Variants in ZDHHC2 observed in about 807,000 individuals in gnomAD.
The protein encoded by ZDHHC2 is palmitoyltransferase ZDHHC2.
In ZDHHC2, 51 loss-of-function variants were observed where a neutral mutation model predicts 55.6. That is an observed-to-expected ratio of 0.92 (90% CI 0.73 to 1.16). The LOEUF (loss-of-function observed/expected upper bound fraction) is 1.16, where lower values mean the gene tolerates loss of function less well. ZDHHC2 is among the 50% of genes most tolerant of loss of function. The pLI, the probability that ZDHHC2 is intolerant of heterozygous loss-of-function variation, is 0.00. For synonymous variants in ZDHHC2, 199 were observed against 152.9 expected (o/e 1.30, Z -2.22); for missense variants, 491 against 442.4 (o/e 1.11, Z -0.99).
At chr8:17,183,394 G>A (rs1009662504) in intron 1 of ZDHHC2, among the ~76,000 whole-genome samples, 1 of 152,188 alleles carries the variant, frequency 6.6e-6, no homozygotes, top group East Asian at 1.9e-4. Context: ...AGCCTCTCCT[G>A]TGCCCTCAGA....
intron 3 of ZDHHC2, among the ~76,000 whole-genome samples, chr8:17,192,722 C>T (rs913848313): frequency 2.6e-5 from 4 of 152,072 alleles, no homozygotes; most frequent in African/African-American, 9.7e-5. Context: ...GGAGAGTTTC[C>T]CCAACGTTTT....
intron 6 of ZDHHC2, 65 bp downstream of exon 6, chr8:17,198,478 A>T (rs942843298): frequency 1.4e-6 from 2 of 1,434,896 alleles, no homozygotes; most frequent in East Asian, 2.4e-5. Flanking sequence ...TAAATCACTT[A>T]TCCATGTAAA....
intron 5 of ZDHHC2, 136 bp downstream of exon 5, chr8:17,197,787 G>C (rs1934278607): frequency 2.5e-5 from 24 of 960,258 alleles, no homozygotes; most frequent in Non-Finnish European, 3.7e-5. Flanking sequence ...AATGGAGTTG[G>C]TATAACCCGC....
At chr8:17,178,187 G>C (rs192965438) in intron 1 of ZDHHC2, among the ~76,000 whole-genome samples, 51 of 152,236 alleles carry the variant, frequency 3.4e-4, no homozygotes, top group Admixed American at 5.2e-4. Context: ...TTACTAGGCT[G>C]CTGTATCTCA....
chr8:17,156,751 G>C lies in ZDHHC2; in HGVS notation c.28G>C (p.Ala10Pro), dbSNP rs1276721254. The C allele has an allele frequency of 6.7e-7, 1 of 1,498,368 alleles. No individual in the cohort carries two copies. The highest frequency in any genetic ancestry group is 1.3e-5 in the South Asian group (1 of 79,860). 92.8% of individuals were successfully genotyped at this position (1,498,368 alleles called of 1,614,324 possible). Residue 10 changes from alanine to proline, a missense_variant, in exon 1 of 13, where the codon GCC becomes CCC. Transcript: ENST00000262096. ...GGCGCCCTCGGGCCCGGGCAGCAGC[G>C]CCAGGCGGCGGTGCCGGCGGGTGCT... MAPSGPGSS[A>P]RRRCRRVLYW...
At chr8:17,172,547 T>C (rs1206197742) in intron 1 of ZDHHC2, among the ~76,000 whole-genome samples, 1 of 152,196 alleles carries the variant, frequency 6.6e-6, no homozygotes, top group Non-Finnish European at 1.5e-5. Context: ...TACGGTATTA[T>C]GCACTTACAG....
intron 6 of ZDHHC2, among the ~76,000 whole-genome samples, chr8:17,199,592 C>T (rs1441672236): frequency 1.6e-4 from 6 of 37,008 alleles, no homozygotes; most frequent in African/African-American, 3.3e-4. Context: ...CTTCTTCTTT[C>T]TTCTTCTTTA....
intron 10 of ZDHHC2, among the ~76,000 whole-genome samples, chr8:17,211,660 T>C (rs1250384924): frequency 6.6e-6 from 1 of 152,106 alleles, no homozygotes; most frequent in South Asian, 2.1e-4. Flanking sequence ...TAAAATCCTT[T>C]TAAATTGTCA....
At chr8:17,203,128 T>A (rs1265214111) in intron 6 of ZDHHC2, among the ~76,000 whole-genome samples, 1 of 149,098 alleles carries the variant, frequency 6.7e-6, no homozygotes, top group African/African-American at 2.5e-5. Context: ...GGTGAAATCT[T>A]GGCTCACTGC....
intron 6 of ZDHHC2, among the ~76,000 whole-genome samples, chr8:17,205,320 G>T (rs1056914865): frequency 4.6e-5 from 7 of 152,220 alleles, no homozygotes; most frequent in African/African-American, 1.7e-4. Flanking sequence ...TAGAGGAAGG[G>T]TTTAGTAAAT....
At chr8:17,168,573 GATC>G (rs1285038412) in intron 1 of ZDHHC2, among the ~76,000 whole-genome samples, 1 of 152,024 alleles carries the variant, frequency 6.6e-6, no homozygotes, top group Non-Finnish European at 1.5e-5. Context: ...AATGCTGTGC[GATC>G]ATCACTACTG....
intron 1 of ZDHHC2, among the ~76,000 whole-genome samples, chr8:17,174,022 A>G (rs1321470429): frequency 6.6e-6 from 1 of 152,106 alleles, no homozygotes; most frequent in African/African-American, 2.4e-5. Context: ...CTGCAAGCAA[A>G]GGAGAGAGAC....
At chr8:17,169,600 A>C (rs1250111828) in intron 1 of ZDHHC2, among the ~76,000 whole-genome samples, 1 of 152,188 alleles carries the variant, frequency 6.6e-6, no homozygotes, top group Non-Finnish European at 1.5e-5. Flanking sequence ...AATACATGTG[A>C]GTGCATGGTG....
chr8:17,209,918 C>G lies in ZDHHC2; in HGVS notation c.731-14C>G. On this transcript the variant is annotated splice_polypyrimidine_tract_variant and intron_variant, in intron 8 of 12. Transcript: ENST00000262096. ...GTTCTTTACTCATGTGATTCCTTTA[C>G]CATCTTTTTTTAGAGGCATTCAGAA... 1 of 1,601,838 alleles carries G rather than the reference C, an allele frequency of 6.2e-7. No homozygotes were observed. Among genetic ancestry groups the G allele is most frequent in the Non-Finnish European group, 8.5e-7 (1 of 1,175,254 alleles).
intron 1 of ZDHHC2, among the ~76,000 whole-genome samples, chr8:17,183,909 A>T (rs905208522): frequency 6.6e-6 from 1 of 152,110 alleles, no homozygotes; most frequent in Non-Finnish European, 1.5e-5. Context: ...GAGCAATCTT[A>T]AAAATTTCTC....
chr8:17,176,713 C>T (rs556177500), intron 1 of ZDHHC2, among the ~76,000 whole-genome samples: 3 of 151,854 alleles, frequency 2.0e-5, no homozygotes, highest in South Asian at 2.1e-4. Context: ...CCCAGAGTGA[C>T]AGAAGCATCA....
intron 7 of ZDHHC2, 62 bp from the exon 8 acceptor site, chr8:17,207,898 A>G (rs1180620929): frequency 2.4e-6 from 3 of 1,241,892 alleles, no homozygotes; most frequent in Non-Finnish European, 3.1e-6. Flanking sequence ...TAATTTACTT[A>G]TAAAAGTAGG....
rs534289843 is a variant in ZDHHC2, at chr8:17,209,581, A to G, written c.731-351A>G. ...GTTTTCTTAAAAAATACACGTGTAG[A>G]TTTGTAGATCTATGTTTATGGATCC... On this transcript the variant is annotated intron_variant, in intron 8 of 12. Coordinates refer to ENST00000262096, the MANE Select transcript of ZDHHC2 (RefSeq NM_016353.5). Among the ~76,000 whole-genome samples the G allele has an allele frequency of 5.3e-5, 8 of 152,292 alleles. No individual in the cohort carries two copies. The East Asian group carries it at 1.4e-3, about 26-fold the overall frequency.
intron 3 of ZDHHC2, among the ~76,000 whole-genome samples, chr8:17,190,951 C>CTTTTTTATTTTTTTTTTTTTT (rs1805994106): frequency 1.9e-5 from 1 of 52,762 alleles, no homozygotes; most frequent in Non-Finnish European, 3.4e-5. Flanking sequence ...CTTATTCATT[C>CTTTTTTATTTTTTTTTTTTTT]TTTTTTTTTT....
Sources: allele counts gnomAD v4.1 joint callset (sites outside exome capture counted in the v4.1 genomes callset), GRCh38; gene constraint gnomAD v4.1.1; transcripts MANE v1.5; gene names NCBI Gene and HGNC (gene_info 2026-07-23, HGNC 2026-07-21).